Variants in MBNL3 observed in about 807,000 individuals in gnomAD.
MBNL3 encodes muscleblind like splicing regulator 3.
A neutral mutation model predicts 24.5 loss-of-function variants in MBNL3; 6 were observed. The observed-to-expected ratio is 0.25, with a 90% CI of 0.13 to 0.48. MBNL3 has a LOEUF of 0.48. Among genes scored for constraint, MBNL3 ranks in the 20% least tolerant of loss-of-function variants. The probability of loss-of-function intolerance (pLI) is 0.99; values close to 1 mark genes in which losing one functional copy is unlikely to be tolerated. For synonymous variants in MBNL3, 100 were observed against 101.7 expected (o/e 0.98, Z 0.10); for missense variants, 230 against 293.5 (o/e 0.78, Z 1.58).
intron 1 of MBNL3, among the ~76,000 whole-genome samples, chrX:132,474,366 G>A (rs765951522): frequency 1.8e-5 from 2 of 111,151 alleles, no homozygotes; most frequent in Non-Finnish European, 1.9e-5. Context: ...TCACATTTTC[G>A]CTATTTCAGT....
chrX:132,488,436 A>G (rs1159918131), intron 1 of MBNL3, among the ~76,000 whole-genome samples: 2 of 111,779 alleles, frequency 1.8e-5, no homozygotes, highest in Non-Finnish European at 3.8e-5. Context: ...AAACCCCAGT[A>G]GTAAAAGCGA....
chrX:132,397,555 G>A (rs1293612954), intron 3 of MBNL3, among the ~76,000 whole-genome samples: 1 of 110,711 alleles, frequency 9.0e-6, no homozygotes, highest in Non-Finnish European at 1.9e-5. Context: ...TTTACAGAAG[G>A]GTAAACATTT....
intron 2 of MBNL3, among the ~76,000 whole-genome samples, chrX:132,435,451 T>C (rs1361716425): frequency 1.8e-5 from 2 of 111,400 alleles, no homozygotes; most frequent in Non-Finnish European, 3.8e-5. Flanking sequence ...GCTAGGCATC[T>C]AGTTTCTGGT....
chrX:132,479,811 C>G (rs1947636025), intron 1 of MBNL3, among the ~76,000 whole-genome samples: 1 of 111,228 alleles, frequency 9.0e-6, no homozygotes, highest in Admixed American at 9.6e-5. Context: ...GCCATCCCCC[C>G]ACCAAATTTG....
At chrX:132,388,581 G>A (rs1228185914) in intron 5 of MBNL3, among the ~76,000 whole-genome samples, 2 of 111,799 alleles carry the variant, frequency 1.8e-5, no homozygotes, top group Non-Finnish European at 1.9e-5. Flanking sequence ...ACAGGTAGAC[G>A]CTGGTAAGGT....
At chrX:132,484,467 G>C (rs1028549688) in intron 1 of MBNL3, among the ~76,000 whole-genome samples, 1 of 111,826 alleles carries the variant, frequency 8.9e-6, no homozygotes, top group Admixed American at 9.4e-5. Context: ...AAGGAAACCT[G>C]AGTAAGCCTG....
At chrX:132,411,682 C>G (rs1245613983) in intron 2 of MBNL3, among the ~76,000 whole-genome samples, 1 of 111,635 alleles carries the variant, frequency 9.0e-6, no homozygotes, top group Non-Finnish European at 1.9e-5. Context: ...ATCTCTCCCT[C>G]CTTTGTGCTT....
intron 2 of MBNL3, among the ~76,000 whole-genome samples, chrX:132,436,956 C>T (rs1308216123): frequency 1.8e-5 from 2 of 112,008 alleles, no homozygotes; most frequent in African/African-American, 6.5e-5. Context: ...TTTAAAAACA[C>T]TAGATACAGT....
At chrX:132,396,641 TATATATATTCAC>T (rs1297232829) in intron 3 of MBNL3, among the ~76,000 whole-genome samples, 1 of 40,550 alleles carries the variant, frequency 2.5e-5, no homozygotes, top group Admixed American at 4.8e-4. Context: ...TATATTCACA[TATATATATTCAC>T]ATATATATTC....
chrX:132,448,371 G>A (rs1187006319), intron 1 of MBNL3, among the ~76,000 whole-genome samples: 1 of 111,379 alleles, frequency 9.0e-6, no homozygotes, highest in Non-Finnish European at 1.9e-5. Flanking sequence ...TTTAGTCTTG[G>A]GAGGGTGCAT....
chrX:132,429,568 G>A, intron 2 of MBNL3, among the ~76,000 whole-genome samples: 1 of 111,868 alleles, frequency 8.9e-6, no homozygotes, highest in Non-Finnish European at 1.9e-5. Flanking sequence ...TAAATATGAA[G>A]GTTAATAAAG....
intron 1 of MBNL3, among the ~76,000 whole-genome samples, chrX:132,465,811 T>C (rs1161789253): frequency 8.9e-6 from 1 of 112,034 alleles, no homozygotes; most frequent in Non-Finnish European, 1.9e-5. Flanking sequence ...CAATCATATT[T>C]CTTTGAAAAA....
chrX:132,394,801 A>G (rs1937738826), intron 3 of MBNL3, among the ~76,000 whole-genome samples: 1 of 111,566 alleles, frequency 9.0e-6, no homozygotes, highest in African/African-American at 3.3e-5. Flanking sequence ...CACCAGGGAA[A>G]TTCTCCTAGC....
At chrX:132,447,849 C>T (rs775226257) in intron 1 of MBNL3, among the ~76,000 whole-genome samples, 1 of 112,052 alleles carries the variant, frequency 8.9e-6, no homozygotes, top group Non-Finnish European at 1.9e-5. Flanking sequence ...AGGAATGCTT[C>T]CAGTTTTTGA....
chrX:132,485,514 C>T (rs1447860848), intron 1 of MBNL3, among the ~76,000 whole-genome samples: 1 of 112,063 alleles, frequency 8.9e-6, no homozygotes, highest in Non-Finnish European at 1.9e-5. Flanking sequence ...CAACTGATAC[C>T]TTATTTATCC....
At chrX:132,435,114 G>A (rs760107952) in intron 2 of MBNL3, among the ~76,000 whole-genome samples, 3 of 111,015 alleles carry the variant, frequency 2.7e-5, no homozygotes, top group African/African-American at 3.3e-5. Flanking sequence ...CCATTAGGTC[G>A]GTGCAGAAGT....
At position 132,379,826 on chromosome X, in the gene MBNL3, G is replaced by C. The variant is rs759252765; in HGVS notation, c.1054-149C>G. 131 of 453,442 alleles carry C rather than the reference G, an allele frequency of 2.9e-4. 1 individual carries two copies. In the South Asian group the frequency reaches 4.7e-3, roughly 16 times the overall value. The allele number at this position is 453,442 out of a possible 1,213,427, so 37.4% of individuals were successfully genotyped here. A position where few individuals can be genotyped will look rare whatever the true frequency, so the allele number is the denominator to read the frequency against. ...CCAATCTGAATTTCAGATTGAAATG[G>C]GGCTTTTGAGAATGATCATGAAAGA... On this transcript the variant is annotated intron_variant, in intron 8 of 8. Transcript: ENST00000370853.
intron 1 of MBNL3, among the ~76,000 whole-genome samples, chrX:132,445,414 C>T (rs1312915807): frequency 9.0e-6 from 1 of 110,630 alleles, no homozygotes; most frequent in African/African-American, 3.3e-5. Flanking sequence ...CATAGGCATC[C>T]TATGGAAAAC....
chrX:132,388,428 T>C (rs1936504579), intron 5 of MBNL3, among the ~76,000 whole-genome samples: 1 of 112,436 alleles, frequency 8.9e-6, no homozygotes, highest in Admixed American at 9.4e-5. Flanking sequence ...CCTACTTATC[T>C]GGTTGTTAAA....
Sources: allele counts gnomAD v4.1 joint callset (sites outside exome capture counted in the v4.1 genomes callset), GRCh38; gene constraint gnomAD v4.1.1; transcripts MANE v1.5; gene names NCBI Gene and HGNC (gene_info 2026-07-23, HGNC 2026-07-21).